Variants in EIF2AK3 observed in about 807,000 individuals in gnomAD.
EIF2AK3 encodes eukaryotic translation initiation factor 2-alpha kinase 3.
EIF2AK3 carries 50 observed loss-of-function variants against 113.5 expected under a neutral mutation model. The ratio of observed to expected loss-of-function variants is 0.44; its 90% CI spans 0.35 to 0.56. The LOEUF is 0.56. EIF2AK3 is among the 20% of genes least tolerant of loss of function. The pLI, the probability that EIF2AK3 is intolerant of heterozygous loss-of-function variation, is 0.00. For missense variants in EIF2AK3, 1,185 were observed against 1,378.0 expected (o/e 0.86, Z 2.22); for synonymous variants, 448 against 495.4 (o/e 0.90, Z 1.27).
chr2:88,579,703 A>G, intron 10 of EIF2AK3, 63 bp from the exon 11 acceptor site: 1 of 1,460,088 alleles, frequency 6.8e-7, no homozygotes, highest in Non-Finnish European at 9.5e-7. Flanking sequence ...GTAATGTGAA[A>G]ATCAGTTCAA....
rs1675884222 is a variant in EIF2AK3, at chr2:88,627,074, C to T, written c.201G>A (p.Ala67=). The change falls in exon 1 of 17, where the codon GCG becomes GCA. Residue 67 remains alanine, a synonymous_variant. Transcript: ENST00000303236. ...TRVPAAGAVA[A]AEVTVEDAEA... is the part of the protein sequence containing the mutation. ...CAGCGTCCTCCACAGTCACCTCGGC[C>T]GCAGCCACGGCGCCCGCCGCCGGTA... is the stretch of plus-strand genomic sequence containing the variant. 5.1e-6 allele frequency: 8 copies of T among 1,570,736 alleles called. No homozygotes were observed. The highest frequency in any genetic ancestry group is 6.0e-6 in the Non-Finnish European group (7 of 1,166,578).
At chr2:88,608,984 T>C (rs1675365278) in intron 2 of EIF2AK3, among the ~76,000 whole-genome samples, 1 of 151,870 alleles carries the variant, frequency 6.6e-6, no homozygotes, top group South Asian at 2.1e-4. Context: ...TCCACCTGCC[T>C]TGGCTTCCCA....
chr2:88,617,251 C>G (rs965848211), intron 1 of EIF2AK3, among the ~76,000 whole-genome samples: 2 of 152,154 alleles, frequency 1.3e-5, no homozygotes, highest in African/African-American at 4.8e-5. Context: ...TAGTGCCCAT[C>G]AGCAGTAAAC....
intron 1 of EIF2AK3, among the ~76,000 whole-genome samples, chr2:88,614,310 T>C (rs1675522130): frequency 6.6e-6 from 1 of 152,186 alleles, no homozygotes; most frequent in Non-Finnish European, 1.5e-5. Context: ...GTGGACTCCA[T>C]GTATCTCATT....
chr2:88,613,420 A>T (rs1228542621), intron 2 of EIF2AK3, among the ~76,000 whole-genome samples: 1 of 152,182 alleles, frequency 6.6e-6, no homozygotes, highest in African/African-American at 2.4e-5. Flanking sequence ...TGTGATGATA[A>T]TAAACAATCA....
At chr2:88,625,510 A>T (rs1428914061) in intron 1 of EIF2AK3, among the ~76,000 whole-genome samples, 4 of 152,118 alleles carry the variant, frequency 2.6e-5, no homozygotes, top group African/African-American at 9.7e-5. Flanking sequence ...CTAGTAGAAC[A>T]CCACAAAAAC....
At chr2:88,583,738 C>T (rs573417516) in intron 9 of EIF2AK3, among the ~76,000 whole-genome samples, 196 bp from the exon 10 acceptor site, 3 of 152,284 alleles carry the variant, frequency 2.0e-5, no homozygotes, top group African/African-American at 7.2e-5. Flanking sequence ...GCTATCCCTC[C>T]AGTCTTTGAG....
At chr2:88,588,700 G>A in intron 7 of EIF2AK3, 61 bp downstream of exon 7, 1 of 1,583,308 alleles carries the variant, frequency 6.3e-7, no homozygotes. Context: ...CTAGGGCAAA[G>A]ACAGTCAGGA....
Position 88,570,945 on chromosome 2 carries a change from G to C in EIF2AK3, c.2914C>G (p.Leu972Val), listed in dbSNP as rs1674291426. ...CTGGCATAAGCTGGCATTGGGGTCA[G>C]AACCGTCTGCTCTTCCTCATCCTGG... is the stretch of plus-strand genomic sequence containing the variant. ...MDQDEEEQTV[L>V]TPMPAYARHT... Residue 972 changes from leucine to valine, a missense_variant, in exon 14 of 17, where the codon CTG (leucine) becomes GTG (valine). Transcript: ENST00000303236. The C allele has an allele frequency of 1.2e-6, 2 of 1,614,122 alleles. No individual in the cohort carries two copies. The highest frequency in any genetic ancestry group is 1.3e-5 in the African/African-American group (1 of 75,010).
At chr2:88,582,920 T>A (rs1674633890) in intron 10 of EIF2AK3, among the ~76,000 whole-genome samples, 1 of 152,160 alleles carries the variant, frequency 6.6e-6, no homozygotes, top group African/African-American at 2.4e-5. Context: ...AAAGGTGACA[T>A]TTTATACTTG....
chr2:88,585,079 G>A (rs1371650630), intron 9 of EIF2AK3, among the ~76,000 whole-genome samples: 2 of 152,168 alleles, frequency 1.3e-5, no homozygotes, highest in East Asian at 1.9e-4. Flanking sequence ...CTGAGGACTA[G>A]GGGCACAGAG....
At chr2:88,571,532 GC>G (rs1178204303) in intron 13 of EIF2AK3, among the ~76,000 whole-genome samples, 1 of 152,150 alleles carries the variant, frequency 6.6e-6, no homozygotes, top group African/African-American at 2.4e-5. Context: ...AGAAAGTGAG[GC>G]CCAGAAGTTA....
chr2:88,588,102 A>G lies in EIF2AK3; in HGVS notation c.1309T>C (p.Ser437Pro). ...PTIKWKPLIH[S>P]PSRTPVLVGS... ...ACCAAGACAGGAGTTCTGGAAGGAGAATCTAAAAGAAAATTATTATTTTCT... is the reference window on the plus strand; with the variant it reads ...ACCAAGACAGGAGTTCTGGAAGGAGGATCTAAAAGAAAATTATTATTTTCT... Residue 437 changes from serine (S) to proline (P), a missense_variant and splice_region_variant, in exon 8 of 17, where the codon TCT becomes CCT. By Grantham distance (74) the Ser-to-Pro change is moderately conservative. Around this residue, in one of 3 missense-constraint regions of EIF2AK3, gnomAD observed 877 missense variants for 1,024.2 expected, o/e 0.86. Coordinates refer to ENST00000303236, the MANE Select transcript of EIF2AK3 (RefSeq NM_004836.7). 6.8e-7 allele frequency: 1 copy of G among 1,465,400 alleles called. No homozygotes were observed. The highest frequency in any genetic ancestry group is 9.5e-7 in the Non-Finnish European group (1 of 1,057,770). 90.8% of individuals were successfully genotyped at this position (1,465,400 alleles called of 1,614,324 possible). A position where few individuals can be genotyped will look rare whatever the true frequency, so the allele number is the denominator to read the frequency against.
intron 1 of EIF2AK3, among the ~76,000 whole-genome samples, chr2:88,614,342 T>C (rs950500947): frequency 3.9e-5 from 6 of 152,130 alleles, no homozygotes; most frequent in African/African-American, 1.4e-4. Flanking sequence ...ACCACTTTTT[T>C]CCTCTCCTCT....
At chr2:88,625,284 TAC>T (rs375827301) in intron 1 of EIF2AK3, among the ~76,000 whole-genome samples, 17,598 of 134,964 alleles carry the variant, frequency 0.13, 1,092 homozygotes, top group Middle Eastern at 0.17. Flanking sequence ...ATCGCTTACG[TAC>T]ACACACACAC....
rs745376249 is a variant in EIF2AK3 at position 88,593,405 on chromosome 2, C to G, written c.634G>C (p.Val212Leu). The G allele has an allele frequency of 6.2e-7, 1 of 1,613,542 alleles. No homozygotes were observed. The highest frequency in any genetic ancestry group is 2.2e-5 in the East Asian group (1 of 44,844). ...TYGLSAYSGK[V>L]RYICSALGCR... ...CCCAGAGCTGAACAGATATACCTCA[C>G]CTGAAAAGACAAAATTAGATACAAA... Residue 212 changes from valine (V) to leucine (L), a missense_variant and splice_region_variant, in exon 4 of 17, where the codon GTG becomes CTG. Transcript: ENST00000303236.
intron 1 of EIF2AK3, among the ~76,000 whole-genome samples, chr2:88,623,252 T>C (rs1675776118): frequency 6.6e-6 from 1 of 152,310 alleles, no homozygotes; most frequent in South Asian, 2.1e-4. Context: ...GTGATGAGAC[T>C]TTCTTCCCAA....
chr2:88,597,402 A>G (rs1421738239), intron 2 of EIF2AK3, among the ~76,000 whole-genome samples: 2 of 152,150 alleles, frequency 1.3e-5, no homozygotes, highest in African/African-American at 4.8e-5. Flanking sequence ...TTGTTATGAC[A>G]CTATTCAAAA....
chr2:88,627,900 T>C (rs919449436), upstream of EIF2AK3: 2 of 151,832 alleles, frequency 1.3e-5, no homozygotes, highest in Non-Finnish European at 2.9e-5. Flanking sequence ...AAGAGGACTG[T>C]CCCAAGTGAA....
Sources: allele counts gnomAD v4.1 joint callset (sites outside exome capture counted in the v4.1 genomes callset), GRCh38; gene constraint gnomAD v4.1.1; regional missense constraint gnomAD v4.1.1; transcripts MANE v1.5; gene names NCBI Gene and HGNC (gene_info 2026-07-23, HGNC 2026-07-21).